The following FTO variants were observed in gnomAD, a reference collection of about 807,000 sequenced individuals.
FTO encodes the protein alpha-ketoglutarate-dependent dioxygenase FTO.
In FTO, 47 loss-of-function variants were observed where a neutral mutation model predicts 63.9. That is an observed-to-expected ratio of 0.74 (90% CI 0.58 to 0.94). The LOEUF (loss-of-function observed/expected upper bound fraction) is 0.94, where lower values mean the gene tolerates loss of function less well. Ranked by LOEUF, FTO falls within the 40% of genes least tolerant of loss-of-function variation. The probability of loss-of-function intolerance (pLI) is 0.00; values close to 1 mark genes in which losing one functional copy is unlikely to be tolerated. For missense variants in FTO, 562 were observed against 618.1 expected, an observed-to-expected ratio of 0.91 and a Z score of 0.96; for synonymous variants, 207 against 224.4, an observed-to-expected ratio of 0.92 and a Z score of 0.69.
intron 7 of FTO, among the ~76,000 whole-genome samples, chr16:53,931,947 A>G (rs1599023665): frequency 6.6e-6 from 1 of 152,152 alleles, no homozygotes; most frequent in Non-Finnish European, 1.5e-5. Context: ...AAATTCATGA[A>G]TCTAGCATCA....
chr16:53,884,344 G>A (rs56278663), intron 6 of FTO, among the ~76,000 whole-genome samples: 28,215 of 152,126 alleles, frequency 0.19, 2,915 homozygotes, highest in South Asian at 0.28. Flanking sequence ...AGAATGGAAT[G>A]TTTGATGGTA....
intron 5 of FTO, among the ~76,000 whole-genome samples, chr16:53,874,533 T>G (rs926745268): frequency 6.6e-6 from 1 of 152,216 alleles, no homozygotes; most frequent in Non-Finnish European, 1.5e-5. Context: ...GGATTACAAG[T>G]GACCTTCTAC....
intron 1 of FTO, among the ~76,000 whole-genome samples, chr16:53,710,001 T>C (rs1462899133): frequency 1.3e-5 from 2 of 152,138 alleles, no homozygotes; most frequent in East Asian, 1.9e-4. Flanking sequence ...ATGAATTTTA[T>C]AGCATTTTTT....
At chr16:53,801,479 G>A (rs1018152271) in intron 1 of FTO, among the ~76,000 whole-genome samples, 4 of 151,970 alleles carry the variant, frequency 2.6e-5, no homozygotes, top group Non-Finnish European at 5.9e-5. Context: ...AAGACTTAGT[G>A]AGAAGTCTTT....
At chr16:53,810,688 ACAC>A in intron 2 of FTO, among the ~76,000 whole-genome samples, 1 of 152,300 alleles carries the variant, frequency 6.6e-6, no homozygotes, top group South Asian at 2.1e-4. Context: ...TCTGAATTAG[ACAC>A]CACTGTTTCA....
intron 8 of FTO, among the ~76,000 whole-genome samples, chr16:54,066,822 A>C (rs2085743747): frequency 6.6e-6 from 1 of 152,234 alleles, no homozygotes; most frequent in South Asian, 2.1e-4. Context: ...CAAACATTGA[A>C]GGCACAATAC....
At position 54,018,409 on chromosome 16, in the gene FTO, GATAC is replaced by G. The variant is rs1381107400; in HGVS notation, c.1364+84339_1364+84342del. Reference sequence around the variant, plus strand: ...TGATAGATAGATAGATAGATAGATAGATACATACATACATACATACATACATACA... The same window carrying G: ...TGATAGATAGATAGATAGATAGATAGATACATACATACATACATACATACA... On this transcript the variant is annotated intron_variant, in intron 8 of 8. Transcript: ENST00000471389. Among the ~76,000 whole-genome samples, 1,244 of 142,146 alleles carry G rather than the reference GATAC, an allele frequency of 8.8e-3. 8 individuals are homozygous for G. The highest frequency in any genetic ancestry group is 0.013 in the Non-Finnish European group (876 of 65,588). 93.3% of individuals were successfully genotyped at this position (142,146 alleles called of 152,430 possible).
intron 5 of FTO, among the ~76,000 whole-genome samples, chr16:53,878,511 C>T (rs193186556): frequency 4.9e-4 from 74 of 152,098 alleles, no homozygotes; most frequent in Middle Eastern, 3.4e-3. Context: ...TTGTTGATGT[C>T]GCATTGTATA....
intron 1 of FTO, among the ~76,000 whole-genome samples, chr16:53,759,392 A>T (rs1161836294): frequency 6.6e-6 from 1 of 152,146 alleles, no homozygotes; most frequent in Non-Finnish European, 1.5e-5. Flanking sequence ...AAGGAAAGAG[A>T]TTATCAAAGA....
At chr16:54,007,658 G>T (rs767859680) in intron 8 of FTO, among the ~76,000 whole-genome samples, 2 of 152,198 alleles carry the variant, frequency 1.3e-5, no homozygotes, top group African/African-American at 2.4e-5. Flanking sequence ...GGCCCCAGTG[G>T]CGTGGAGATA....
intron 3 of FTO, among the ~76,000 whole-genome samples, chr16:53,827,614 C>T (rs1312872329): frequency 2.0e-5 from 3 of 152,176 alleles, no homozygotes; most frequent in African/African-American, 7.2e-5. Flanking sequence ...TTCCCAGTCT[C>T]AAAAATTTCC....
At chr16:54,054,953 A>G (rs1421851503) in intron 8 of FTO, among the ~76,000 whole-genome samples, 1 of 152,212 alleles carries the variant, frequency 6.6e-6, no homozygotes, top group Non-Finnish European at 1.5e-5. Context: ...TCTTTCTTTG[A>G]CACTATACTG....
At chr16:53,821,947 G>A (rs1032252665) in intron 2 of FTO, among the ~76,000 whole-genome samples, 7 of 152,212 alleles carry the variant, frequency 4.6e-5, no homozygotes, top group Admixed American at 6.5e-5. Flanking sequence ...GCCACCAGCT[G>A]GTTGCTGTGG....
chr16:54,079,349 G>C (rs965376851), intron 8 of FTO, among the ~76,000 whole-genome samples: 69 of 152,272 alleles, frequency 4.5e-4, no homozygotes, highest in African/African-American at 1.6e-3. Flanking sequence ...ATCGTCCTAC[G>C]TTTTCTGGGT....
intron 8 of FTO, among the ~76,000 whole-genome samples, chr16:54,111,336 C>T (rs921855123): frequency 4.6e-5 from 7 of 152,230 alleles, no homozygotes; most frequent in Non-Finnish European, 7.4e-5. Context: ...TATTCTTGGA[C>T]GTTTTAATGC....
intron 4 of FTO, among the ~76,000 whole-genome samples, chr16:53,858,309 A>T (rs2080069000): frequency 6.6e-6 from 1 of 152,192 alleles, no homozygotes; most frequent in African/African-American, 2.4e-5. Flanking sequence ...CAAACTTTAA[A>T]AATAAGTATC....
chr16:54,016,132 G>A (rs2084440838), intron 8 of FTO, among the ~76,000 whole-genome samples: 1 of 152,134 alleles, frequency 6.6e-6, no homozygotes. Context: ...GAGACCAAGA[G>A]GAAGTAACAC....
intron 4 of FTO, among the ~76,000 whole-genome samples, chr16:53,850,567 T>C (rs968220062): frequency 6.6e-6 from 1 of 152,192 alleles, no homozygotes; most frequent in Non-Finnish European, 1.5e-5. Flanking sequence ...TCTTACACTT[T>C]TTTGTTACAT....
chr16:53,900,608 CTTTTTT>C (rs752080961), intron 7 of FTO, among the ~76,000 whole-genome samples: 2 of 67,160 alleles, frequency 3.0e-5, no homozygotes, highest in African/African-American at 6.5e-5. Flanking sequence ...TCATCTGCTC[CTTTTTT>C]TTTTTTTTTT....
Sources: allele counts gnomAD v4.1 joint callset (sites outside exome capture counted in the v4.1 genomes callset), GRCh38; gene constraint gnomAD v4.1.1; transcripts MANE v1.5; gene names NCBI Gene and HGNC (gene_info 2026-07-23, HGNC 2026-07-21).